Variants in CADPS observed in about 807,000 individuals in gnomAD.
CADPS encodes the protein calcium dependent secretion activator.
A neutral mutation model predicts 167.3 loss-of-function variants in CADPS; 57 were observed. The observed-to-expected ratio is 0.34, with a 90% CI of 0.28 to 0.42. The LOEUF (loss-of-function observed/expected upper bound fraction) is 0.42. Among genes scored for constraint, CADPS ranks in the 20% least tolerant of loss-of-function variants. The probability of loss-of-function intolerance (pLI) is 1.00; values close to 1 mark genes in which losing one functional copy is unlikely to be tolerated. For missense variants in CADPS, 1,414 were observed against 1,738.1 expected (o/e 0.81, Z 3.32); for synonymous variants, 676 against 635.3 (o/e 1.06, Z -0.96).
At chr3:62,747,461 G>C (rs1212185204) in intron 3 of CADPS, among the ~76,000 whole-genome samples, 1 of 152,158 alleles carries the variant, frequency 6.6e-6, no homozygotes, top group African/African-American at 2.4e-5. Flanking sequence ...CTGAAGGCCT[G>C]ATAATTTGAG....
At chr3:62,673,043 C>A (rs1056301362) in intron 3 of CADPS, among the ~76,000 whole-genome samples, 6 of 152,246 alleles carry the variant, frequency 3.9e-5, no homozygotes, top group African/African-American at 1.4e-4. Flanking sequence ...TCCTGAACCT[C>A]CTCTTTTATC....
At chr3:62,666,501 C>G (rs1005780726) in intron 3 of CADPS, among the ~76,000 whole-genome samples, 2 of 152,256 alleles carry the variant, frequency 1.3e-5, no homozygotes, top group East Asian at 1.9e-4. Context: ...GCTGGAGAAC[C>G]AAGCCAAGGG....
At chr3:62,814,775 T>C (rs980163424) in intron 1 of CADPS, among the ~76,000 whole-genome samples, 8 of 152,186 alleles carry the variant, frequency 5.3e-5, no homozygotes, top group Non-Finnish European at 1.0e-4. Flanking sequence ...TGCTCCGCCA[T>C]CCTTACGAAT....
Position 62,477,314 on chromosome 3 carries a change from G to T in CADPS, c.3329+947C>A, listed in dbSNP as rs111327180. On this transcript the variant is annotated intron_variant, in intron 23 of 29. Coordinates refer to ENST00000383710, the MANE Select transcript of CADPS (RefSeq NM_003716.4). ...GTAGCCTGTGCTGCTTGCAATCTGG[G>T]TTTTTTTTTTTTTTTGAATGAGGAA... 6.3e-4 allele frequency among the ~76,000 whole-genome samples: 87 copies of T among 139,168 alleles called. 1 individual carries two copies. Among genetic ancestry groups the T allele is most frequent in the African/African-American group, 1.8e-3 (62 of 35,424 alleles). The allele number at this position is 139,168 out of a possible 152,430, so 91.3% of individuals were successfully genotyped here. A position where few individuals can be genotyped will look rare whatever the true frequency, so the allele number is the denominator to read the frequency against.
chr3:62,650,156 A>G (rs1280907009), intron 5 of CADPS, among the ~76,000 whole-genome samples: 1 of 152,066 alleles, frequency 6.6e-6, no homozygotes, highest in Non-Finnish European at 1.5e-5. Context: ...ATGCTAACCT[A>G]TTTTCCAAAA....
chr3:62,768,613 C>T (rs1186726797), intron 1 of CADPS, among the ~76,000 whole-genome samples: 2 of 152,132 alleles, frequency 1.3e-5, no homozygotes, highest in Non-Finnish European at 2.9e-5. Flanking sequence ...CAGTGGTCAA[C>T]ACACTCAACC....
At chr3:62,403,850 A>G (rs1055049055) in intron 28 of CADPS, 1 of 152,162 alleles carries the variant, frequency 6.6e-6, no homozygotes. Context: ...GGAAGATGAG[A>G]GAAAAAAAAA....
chr3:62,771,282 T>C (rs1023113530), intron 1 of CADPS, among the ~76,000 whole-genome samples: 24 of 152,208 alleles, frequency 1.6e-4, no homozygotes, highest in African/African-American at 5.5e-4. Context: ...GCTCTGGCGA[T>C]ATAACAGTAT....
chr3:62,547,654 T>G (rs2076720142), intron 11 of CADPS, among the ~76,000 whole-genome samples: 2 of 138,478 alleles, frequency 1.4e-5, no homozygotes. Flanking sequence ...CAAAAGTTCC[T>G]TATTTCAACT....
intron 3 of CADPS, among the ~76,000 whole-genome samples, chr3:62,742,676 G>A (rs1056375773): frequency 2.0e-5 from 3 of 152,104 alleles, no homozygotes; most frequent in Non-Finnish European, 2.9e-5. Flanking sequence ...AAAAACCCTG[G>A]AAGACAACCT....
Position 62,570,883 on chromosome 3 carries a change from C to CA in CADPS, c.1632dup (p.Val545CysfsTer63). On this transcript the variant is annotated frameshift_variant, in exon 9 of 30. Coordinates refer to ENST00000383710, the MANE Select transcript of CADPS (RefSeq NM_003716.4). LOFTEE classifies it high-confidence loss of function. ...GAAGAGTTAGTTACCTGCACCAATACAAAAAACCTTTTCTTCCATCTCTTC... is the reference window on the plus strand; with the variant it reads ...GAAGAGTTAGTTACCTGCACCAATACAAAAAAACCTTTTCTTCCATCTCTTC... 6.2e-7 allele frequency: 1 copy of CA among 1,609,326 alleles called. No homozygotes were observed. The highest frequency in any genetic ancestry group is 8.5e-7 in the Non-Finnish European group (1 of 1,175,640).
intron 3 of CADPS, among the ~76,000 whole-genome samples, chr3:62,665,082 T>C (rs529077691): frequency 6.6e-6 from 1 of 152,316 alleles, no homozygotes; most frequent in South Asian, 2.1e-4. Flanking sequence ...TAGCATTTAT[T>C]GATGCCTGTA....
At chr3:62,579,790 G>A (rs2083026595) in intron 8 of CADPS, among the ~76,000 whole-genome samples, 2 of 148,528 alleles carry the variant, frequency 1.3e-5, no homozygotes, top group South Asian at 4.4e-4. Flanking sequence ...CTGCATTCGA[G>A]TGGCAGGATC....
intron 6 of CADPS, among the ~76,000 whole-genome samples, chr3:62,626,856 G>T (rs1423883008): frequency 6.6e-6 from 1 of 152,168 alleles, no homozygotes; most frequent in African/African-American, 2.4e-5. Flanking sequence ...CTGATATGTT[G>T]TGAGGGGTAG....
intron 1 of CADPS, among the ~76,000 whole-genome samples, chr3:62,852,458 T>C (rs1177078083): frequency 6.6e-6 from 1 of 152,188 alleles, no homozygotes; most frequent in East Asian, 1.9e-4. Flanking sequence ...TACTTTTGCA[T>C]CCGTCTCTTC....
At chr3:62,654,671 A>G (rs140127300) in intron 4 of CADPS, among the ~76,000 whole-genome samples, 171 of 152,258 alleles carry the variant, frequency 1.1e-3, no homozygotes, top group Middle Eastern at 6.8e-3. Context: ...CACGGAACAA[A>G]GGTTACATCC....
At chr3:62,676,322 T>C (rs879382993) in intron 3 of CADPS, among the ~76,000 whole-genome samples, 1 of 152,170 alleles carries the variant, frequency 6.6e-6, no homozygotes, top group African/African-American at 2.4e-5. Context: ...AATATATATT[T>C]GTTGAGTGAT....
intron 1 of CADPS, among the ~76,000 whole-genome samples, chr3:62,781,531 C>T (rs567210081): frequency 1.3e-4 from 20 of 152,298 alleles, no homozygotes; most frequent in African/African-American, 4.8e-4. Flanking sequence ...TGACTCCCAG[C>T]ATGGGCAGCC....
intron 13 of CADPS, among the ~76,000 whole-genome samples, chr3:62,522,966 G>C (rs1186305685): frequency 6.6e-6 from 1 of 152,138 alleles, no homozygotes; most frequent in African/African-American, 2.4e-5. Context: ...CATCTGACAC[G>C]GCGGGCATCT....
Sources: allele counts gnomAD v4.1 joint callset (sites outside exome capture counted in the v4.1 genomes callset), GRCh38; gene constraint gnomAD v4.1.1; transcripts MANE v1.5; gene names NCBI Gene and HGNC (gene_info 2026-07-23, HGNC 2026-07-21).